TTC29: variants seen among roughly 807,000 people sequenced by gnomAD.
TTC29 encodes the protein tetratricopeptide repeat protein 29.
In TTC29, 49 loss-of-function variants were observed where a neutral mutation model predicts 58.1. The ratio of observed to expected loss-of-function variants is 0.84; its 90% CI spans 0.67 to 1.07. The LOEUF is 1.07. Among genes scored for constraint, TTC29 ranks in the 50% least tolerant of loss-of-function variants. The probability of loss-of-function intolerance (pLI) is 0.00; values close to 1 mark genes in which losing one functional copy is unlikely to be tolerated. For synonymous variants in TTC29, 209 were observed against 196.8 expected (o/e 1.06, Z -0.52); for missense variants, 582 against 555.6 (o/e 1.05, Z -0.48).
At chr4:146,899,865 C>T (rs1733023021) in intron 6 of TTC29, among the ~76,000 whole-genome samples, 1 of 152,192 alleles carries the variant, frequency 6.6e-6, no homozygotes, top group African/African-American at 2.4e-5. Context: ...CAGCTAATGT[C>T]CCACTTTAGC....
At chr4:146,794,161 T>G (rs1749666838) in intron 11 of TTC29, among the ~76,000 whole-genome samples, 1 of 152,146 alleles carries the variant, frequency 6.6e-6, no homozygotes, top group Non-Finnish European at 1.5e-5. Flanking sequence ...GATTACAATT[T>G]AAAGCCCTGG....
rs114817135 is a variant in TTC29, at chr4:146,909,488, T to C, written c.177-239A>G. Among the ~76,000 whole-genome samples the C allele has an allele frequency of 3.8e-3, 576 of 152,220 alleles. 6 individuals are homozygous for C. The highest frequency in any genetic ancestry group is 0.013 in the African/African-American group (533 of 41,536). On this transcript the variant is annotated intron_variant, in intron 4 of 12. Transcript: ENST00000325106. ...TTAATGAAATTACATTATAAACATA[T>C]CAGTTCCAGAGCTGAGCTCCATTTG... is the stretch of plus-strand genomic sequence containing the variant.
chr4:146,741,332 C>T (rs986502292), intron 11 of TTC29, among the ~76,000 whole-genome samples: 9 of 152,056 alleles, frequency 5.9e-5, no homozygotes, highest in African/African-American at 2.2e-4. Context: ...GACACAAATG[C>T]TCAAAGAGCC....
intron 11 of TTC29, among the ~76,000 whole-genome samples, chr4:146,752,278 C>T (rs1437947671): frequency 6.9e-6 from 1 of 144,076 alleles, no homozygotes; most frequent in Non-Finnish European, 1.5e-5. Context: ...CAATAACAGA[C>T]AAACAGAGAG....
At chr4:146,765,251 G>C (rs969106517) in intron 11 of TTC29, among the ~76,000 whole-genome samples, 2 of 152,086 alleles carry the variant, frequency 1.3e-5, no homozygotes, top group African/African-American at 4.8e-5. Context: ...AAAAAGAGAG[G>C]TGTGTTATTA....
intron 11 of TTC29, among the ~76,000 whole-genome samples, chr4:146,778,437 A>G (rs1252698975): frequency 6.6e-6 from 1 of 152,142 alleles, no homozygotes; most frequent in Non-Finnish European, 1.5e-5. Flanking sequence ...AATTAACATA[A>G]TCACACTGTG....
intron 8 of TTC29, among the ~76,000 whole-genome samples, chr4:146,844,362 G>C (rs1157336297): frequency 1.3e-5 from 2 of 152,060 alleles, no homozygotes; most frequent in Non-Finnish European, 2.9e-5. Flanking sequence ...GGTCATTATA[G>C]TTTTGTATTA....
At position 146,923,617 on chromosome 4, in the gene TTC29, AAG is replaced by A. The variant is rs549506442; in HGVS notation, c.176+13975_176+13976del. Among the ~76,000 whole-genome samples the A allele has an allele frequency of 1.4e-4, 21 of 152,028 alleles. No homozygotes were observed. In the East Asian group the frequency reaches 2.9e-3, roughly 21 times the overall value. On this transcript the variant is annotated intron_variant, in intron 4 of 12. Coordinates refer to ENST00000325106, the MANE Select transcript of TTC29 (RefSeq NM_031956.4). ...AGTCTTCACTGAAGCCAGGAATGTG[AAG>A]AGACGCCGCTGTCAATGCTATTATG...
chr4:146,785,893 C>T (rs1445002729), intron 11 of TTC29, among the ~76,000 whole-genome samples: 1 of 151,902 alleles, frequency 6.6e-6, no homozygotes, highest in African/African-American at 2.4e-5. Flanking sequence ...CTAAAGGTCA[C>T]TAAATTAGTG....
intron 6 of TTC29, among the ~76,000 whole-genome samples, chr4:146,892,217 C>T (rs576167917): frequency 3.9e-5 from 6 of 152,098 alleles, no homozygotes; most frequent in Non-Finnish European, 8.8e-5. Context: ...CTCTCCTGCT[C>T]TACCATTTGA....
At chr4:146,901,992 A>G (rs1233206127) in intron 6 of TTC29, among the ~76,000 whole-genome samples, 1 of 152,214 alleles carries the variant, frequency 6.6e-6, no homozygotes, top group Non-Finnish European at 1.5e-5. Context: ...GACTGCACAG[A>G]ACTCTGTTGC....
At position 146,903,515 on chromosome 4, in the gene TTC29, C is replaced by T. The variant is rs372975778; in HGVS notation, c.586+29G>A. On this transcript the variant is annotated intron_variant, in intron 6 of 12. Transcript: ENST00000325106. ...GATCTCAGGATCCACCAAAACATAC[C>T]CAAGGCATCCTGGCAAATGCCCACT... is the stretch of plus-strand genomic sequence containing the variant. The T allele has an allele frequency of 3.8e-6, 6 of 1,575,282 alleles. No homozygotes were observed. The Admixed American group carries it at 7.2e-5, about 19-fold the overall frequency.
At chr4:146,784,285 A>C (rs1172049608) in intron 11 of TTC29, among the ~76,000 whole-genome samples, 1 of 152,080 alleles carries the variant, frequency 6.6e-6, no homozygotes, top group Non-Finnish European at 1.5e-5. Flanking sequence ...TAAGTGACAA[A>C]AATTTAAAAA....
At chr4:146,927,080 CAAAAAA>C (rs55786171) in intron 4 of TTC29, among the ~76,000 whole-genome samples, 1 of 110,086 alleles carries the variant, frequency 9.1e-6, no homozygotes, top group Non-Finnish European at 1.9e-5. Flanking sequence ...GACCCCATCT[CAAAAAA>C]AAAAAAAAGA....
At chr4:146,818,401 T>C (rs1751573079) in intron 10 of TTC29, among the ~76,000 whole-genome samples, 2 of 152,106 alleles carry the variant, frequency 1.3e-5, no homozygotes, top group Admixed American at 6.5e-5. Context: ...CTCACACCAG[T>C]TAGAATGGTG....
chr4:146,798,886 CAAAA>C (rs70958529), intron 11 of TTC29, among the ~76,000 whole-genome samples: 35 of 18,262 alleles, frequency 1.9e-3, no homozygotes, highest in African/African-American at 7.2e-3. Context: ...GACTCCGTCT[CAAAA>C]AAAAAAAAAA....
chr4:146,839,149 C>T (rs1198700282), intron 8 of TTC29, among the ~76,000 whole-genome samples: 5 of 151,928 alleles, frequency 3.3e-5, no homozygotes, highest in African/African-American at 9.7e-5. Context: ...TCATAATGAT[C>T]GCATAATATC....
intron 6 of TTC29, among the ~76,000 whole-genome samples, chr4:146,895,484 G>A (rs184792040): frequency 6.6e-6 from 1 of 152,140 alleles, no homozygotes; most frequent in Admixed American, 6.5e-5. Context: ...AAGGGAAGAG[G>A]CAGGACATAT....
chr4:146,937,771 A>G (rs1735974826), intron 3 of TTC29, 94 bp from the exon 4 acceptor site: 2 of 695,462 alleles, frequency 2.9e-6, no homozygotes, highest in South Asian at 3.9e-5. Flanking sequence ...AGAAATATTC[A>G]GGGTATAATA....
Sources: allele counts gnomAD v4.1 joint callset (sites outside exome capture counted in the v4.1 genomes callset), GRCh38; gene constraint gnomAD v4.1.1; transcripts MANE v1.5; gene names NCBI Gene and HGNC (gene_info 2026-07-23, HGNC 2026-07-21).